Variants in ERC1 observed in about 807,000 individuals in gnomAD.
ERC1 encodes ELKS/RAB6-interacting/CAST family member 1, also known as RAB6 interacting protein 2.
In ERC1, 56 loss-of-function variants were observed where a neutral mutation model predicts 132.0. The observed-to-expected ratio is 0.42, with a 90% CI of 0.34 to 0.53. ERC1 has a LOEUF of 0.53. ERC1 is among the 20% of genes least tolerant of loss of function. The probability of loss-of-function intolerance (pLI) is 0.03; values close to 1 mark genes in which losing one functional copy is unlikely to be tolerated. For synonymous variants in ERC1, 478 were observed against 476.1 expected (o/e 1.00, Z -0.05); for missense variants, 1,202 against 1,349.9 (o/e 0.89, Z 1.72).
chr12:1,051,062 C>T (rs74679533), intron 2 of ERC1, among the ~76,000 whole-genome samples: 3,636 of 152,148 alleles, frequency 0.024, 131 homozygotes, highest in African/African-American at 0.082. Context: ...ATTTTGGGAA[C>T]TACTAGCGAT....
chr12:1,444,929 A>T, intron 18 of ERC1, 179 bp downstream of exon 18: 1 of 395,630 alleles, frequency 2.5e-6, no homozygotes, highest in Non-Finnish European at 4.3e-6. Context: ...GGGGAATTCC[A>T]TGTTTAGATT....
At chr12:1,337,239 G>T (rs142865546) in intron 15 of ERC1, among the ~76,000 whole-genome samples, 1 of 151,902 alleles carries the variant, frequency 6.6e-6, no homozygotes, top group Non-Finnish European at 1.5e-5. Context: ...CCTGTGTCAG[G>T]TGCATATATA....
intron 16 of ERC1, among the ~76,000 whole-genome samples, chr12:1,400,604 T>G (rs905851688): frequency 2.6e-5 from 4 of 152,154 alleles, no homozygotes; most frequent in Non-Finnish European, 5.9e-5. Context: ...TTATATGTTC[T>G]GAGACTGAGA....
Position 1,216,123 on chromosome 12 carries a change from C to T in ERC1, c.2352-20646C>T, listed in dbSNP as rs375415132. On this transcript the variant is annotated intron_variant, in intron 12 of 18. Coordinates refer to ENST00000360905, the MANE Select transcript of ERC1 (RefSeq NM_178040.4). Reference sequence around the variant, plus strand: ...GTCTCCCCCTCTCCTTCCTTCTTTCCGTTCTTTTCCTCTAGGCGCATCCTT... The same window carrying T: ...GTCTCCCCCTCTCCTTCCTTCTTTCTGTTCTTTTCCTCTAGGCGCATCCTT... 9.9e-5 allele frequency among the ~76,000 whole-genome samples: 15 copies of T among 152,214 alleles called. 1 individual carries two copies. The East Asian group carries it at 1.4e-3, about 14-fold the overall frequency.
At chr12:1,184,598 A>G (rs1954860836) in intron 11 of ERC1, among the ~76,000 whole-genome samples, 1 of 152,198 alleles carries the variant, frequency 6.6e-6, no homozygotes. Context: ...TGAGGTAATG[A>G]TAATTGGAGT....
At chr12:1,397,079 A>G (rs1019506564) in intron 16 of ERC1, among the ~76,000 whole-genome samples, 1 of 152,218 alleles carries the variant, frequency 6.6e-6, no homozygotes, top group Non-Finnish European at 1.5e-5. Context: ...AAAGAAATGT[A>G]CATGGTCCTT....
intron 13 of ERC1, among the ~76,000 whole-genome samples, chr12:1,259,791 G>A (rs1383200828): frequency 2.0e-5 from 3 of 152,148 alleles, no homozygotes; most frequent in African/African-American, 7.2e-5. Context: ...CCAAAGTGCT[G>A]GGATTGCAGG....
intron 8 of ERC1, among the ~76,000 whole-genome samples, chr12:1,171,833 C>T (rs1325645206): frequency 6.6e-6 from 1 of 152,164 alleles, no homozygotes; most frequent in Non-Finnish European, 1.5e-5. Context: ...TTCCACTTGA[C>T]TGGAAATAAA....
chr12:1,196,259 C>G (rs1956217209), intron 12 of ERC1, among the ~76,000 whole-genome samples: 1 of 152,080 alleles, frequency 6.6e-6, no homozygotes, highest in Non-Finnish European at 1.5e-5. Flanking sequence ...TCCACCTCAT[C>G]CCCCACCCAA....
chr12:1,419,102 G>T (rs1191064412), intron 17 of ERC1, among the ~76,000 whole-genome samples: 2 of 151,900 alleles, frequency 1.3e-5, no homozygotes, highest in Non-Finnish European at 2.9e-5. Flanking sequence ...TCTGTTATAG[G>T]GTTCTCCCCC....
At chr12:1,262,597 A>C (rs540520356) in intron 13 of ERC1, among the ~76,000 whole-genome samples, 15 of 152,358 alleles carry the variant, frequency 9.8e-5, no homozygotes, top group African/African-American at 3.4e-4. Flanking sequence ...CTGAAAGATG[A>C]TGCTGCTTAC....
At chr12:1,482,137 G>A (rs913535119) in intron 18 of ERC1, among the ~76,000 whole-genome samples, 9 of 152,192 alleles carry the variant, frequency 5.9e-5, no homozygotes, top group East Asian at 5.8e-4. Context: ...TGGCCAGCCC[G>A]GGGGCCTTTG....
At chr12:1,400,250 A>C (rs1371737577) in intron 16 of ERC1, among the ~76,000 whole-genome samples, 2 of 152,226 alleles carry the variant, frequency 1.3e-5, no homozygotes, top group African/African-American at 4.8e-5. Context: ...AAAAGATTCA[A>C]ATCCCTTGCT....
chr12:1,286,831 G>T (rs1413250068), intron 14 of ERC1, among the ~76,000 whole-genome samples: 2 of 152,080 alleles, frequency 1.3e-5, no homozygotes, highest in Non-Finnish European at 2.9e-5. Context: ...ATATTATTAG[G>T]ATGTTTAACA....
intron 12 of ERC1, among the ~76,000 whole-genome samples, chr12:1,226,751 A>T (rs2074608217): frequency 6.6e-6 from 1 of 152,146 alleles, no homozygotes; most frequent in Non-Finnish European, 1.5e-5. Flanking sequence ...GTCTCGGCTC[A>T]CTGCAGCCTC....
chr12:997,077 C>T (rs1304038404), intron 1 of ERC1, among the ~76,000 whole-genome samples: 1 of 152,126 alleles, frequency 6.6e-6, no homozygotes, highest in Non-Finnish European at 1.5e-5. Flanking sequence ...TGCCACCATG[C>T]CTGGCTAATT....
In ERC1 at chr12:1,193,336, C is replaced by T. The variant is rs1234983295; in HGVS notation, c.2351+3284C>T. On this transcript the variant is annotated intron_variant, in intron 12 of 18. Coordinates refer to ENST00000360905, the MANE Select transcript of ERC1 (RefSeq NM_178040.4). The stretch of plus-strand genomic sequence containing the variant: ...TACATCTATAAATATAAAATATTTT[C>T]CCCAATTAAATCTTAAGAAGTAGTA... Among the ~76,000 whole-genome samples, 4 of 151,968 alleles carry T rather than the reference C, an allele frequency of 2.6e-5. No individual in the cohort carries two copies. In the South Asian group the frequency reaches 6.2e-4, roughly 24 times the overall value.
rs370783673 is a variant in ERC1 at position 1,121,677 on chromosome 12, ATCTATC to A, written c.1569+5670_1569+5675del. Among the ~76,000 whole-genome samples, 4 of 8,164 alleles carry A rather than the reference ATCTATC, an allele frequency of 4.9e-4. 1 individual carries two copies. The highest frequency in any genetic ancestry group is 8.9e-4 in the African/African-American group (4 of 4,504). The allele number at this position is 8,164 out of a possible 152,430, so 5.4% of individuals were successfully genotyped here. A position where few individuals can be genotyped will look rare whatever the true frequency, so the allele number is the denominator to read the frequency against. On this transcript the variant is annotated intron_variant, in intron 7 of 18. Coordinates refer to ENST00000360905, the MANE Select transcript of ERC1 (RefSeq NM_178040.4). ...TATCTCTATCTCTATCTCTATCTCT[ATCTATC>A]TCTATCTCTATCTCTATCTCTATCT...
At chr12:1,447,385 A>G (rs1333669662) in intron 18 of ERC1, among the ~76,000 whole-genome samples, 1 of 151,544 alleles carries the variant, frequency 6.6e-6, no homozygotes, top group Non-Finnish European at 1.5e-5. Context: ...ACATGGTGTC[A>G]CACGCCTGTA....
Sources: allele counts gnomAD v4.1 joint callset (sites outside exome capture counted in the v4.1 genomes callset), GRCh38; gene constraint gnomAD v4.1.1; transcripts MANE v1.5; gene names NCBI Gene and HGNC (gene_info 2026-07-23, HGNC 2026-07-21).